Variants in TMC2 observed in about 807,000 individuals in gnomAD.
The protein encoded by TMC2 is transmembrane channel-like protein 2.
Under a neutral mutation model 105.9 loss-of-function variants are expected in TMC2, and 102 were observed. The observed-to-expected ratio is 0.96, with a 90% confidence interval of 0.82 to 1.14. The LOEUF is 1.14. Among genes scored for constraint, TMC2 ranks in the 50% most tolerant of loss-of-function variants. The probability of loss-of-function intolerance (pLI) is 0.00; values close to 1 mark genes in which losing one functional copy is unlikely to be tolerated. For synonymous variants in TMC2, 402 were observed against 422.8 expected (o/e 0.95, Z 0.60); for missense variants, 1,093 against 1,134.3 (o/e 0.96, Z 0.52).
At chr20:2,634,583 A>C (rs1420464777) in intron 17 of TMC2, among the ~76,000 whole-genome samples, 1 of 152,194 alleles carries the variant, frequency 6.6e-6, no homozygotes, top group East Asian at 1.9e-4. Flanking sequence ...CCTGACCCTG[A>C]AGGCACCAAG....
intron 7 of TMC2, among the ~76,000 whole-genome samples, chr20:2,586,638 G>A (rs979121874): frequency 3.3e-5 from 5 of 152,156 alleles, no homozygotes; most frequent in Non-Finnish European, 7.3e-5. Context: ...ACCATATCTC[G>A]TGTGAACTAA....
intron 11 of TMC2, among the ~76,000 whole-genome samples, chr20:2,606,161 A>G (rs2086389986): frequency 6.6e-6 from 1 of 152,192 alleles, no homozygotes; most frequent in African/African-American, 2.4e-5. Flanking sequence ...ATATGCCAAG[A>G]TTTATTTTCC....
intron 2 of TMC2, among the ~76,000 whole-genome samples, chr20:2,549,569 C>G (rs2085945025): frequency 6.6e-6 from 1 of 152,078 alleles, no homozygotes; most frequent in South Asian, 2.1e-4. Flanking sequence ...ACGGTGAAAC[C>G]CTGTCTCTAC....
At chr20:2,606,440 A>G (rs144520109) in intron 11 of TMC2, among the ~76,000 whole-genome samples, 3,623 of 152,200 alleles carry the variant, frequency 0.024, 61 homozygotes, top group Middle Eastern at 0.037. Flanking sequence ...TTGTATTTTT[A>G]GTAGAGACAG....
At chr20:2,538,961 T>C (rs574772893) in intron 2 of TMC2, among the ~76,000 whole-genome samples, 34 of 152,340 alleles carry the variant, frequency 2.2e-4, no homozygotes, top group African/African-American at 7.9e-4. Flanking sequence ...TTTCTCAGAA[T>C]AGCTACAGTT....
At chr20:2,595,212 G>A (rs535212624) in intron 9 of TMC2, among the ~76,000 whole-genome samples, 36 of 152,326 alleles carry the variant, frequency 2.4e-4, no homozygotes, top group African/African-American at 8.2e-4. Flanking sequence ...CTGAAATTCT[G>A]GGGAGCAGCA....
intron 11 of TMC2, among the ~76,000 whole-genome samples, chr20:2,608,300 T>TTTATTATTA (rs61608674): frequency 0.046 from 6,145 of 134,548 alleles, 145 homozygotes; most frequent in African/African-American, 0.052. Flanking sequence ...CTTATTTTTA[T>TTTATTATTA]TTATTATTAT....
At chr20:2,585,623 GAAGAT>G (rs1440862401) in intron 7 of TMC2, among the ~76,000 whole-genome samples, 6 of 152,184 alleles carry the variant, frequency 3.9e-5, no homozygotes. Context: ...GCAGATCTCA[GAAGAT>G]ACAATTTCAA....
intron 19 of TMC2, among the ~76,000 whole-genome samples, chr20:2,639,907 T>C (rs987245224): frequency 6.6e-6 from 1 of 152,186 alleles, no homozygotes; most frequent in Non-Finnish European, 1.5e-5. Context: ...AATTAAACAG[T>C]GTCTGCACGC....
chr20:2,617,009 A>G, intron 15 of TMC2, 63 bp from the exon 16 acceptor site: 2 of 1,602,936 alleles, frequency 1.2e-6, no homozygotes, highest in South Asian at 2.2e-5. Flanking sequence ...ATTTCCTTCT[A>G]TCACCCTTCC....
intron 4 of TMC2, among the ~76,000 whole-genome samples, chr20:2,566,576 A>G (rs1312297946): frequency 6.6e-6 from 1 of 152,216 alleles, no homozygotes; most frequent in Non-Finnish European, 1.5e-5. Context: ...TTCTTTCTTC[A>G]GAGTGATTAG....
chr20:2,555,353 T>C (rs2085979491), intron 2 of TMC2, among the ~76,000 whole-genome samples: 1 of 152,208 alleles, frequency 6.6e-6, no homozygotes, highest in African/African-American at 2.4e-5. Context: ...AGTGCTGGGA[T>C]TACAGGCATG....
rs766039682 is a variant in TMC2, at chr20:2,592,412, C to G, written c.933+4C>G. On this transcript the variant is annotated splice_donor_region_variant and intron_variant, in intron 8 of 19. Coordinates refer to ENST00000358864, the MANE Select transcript of TMC2 (RefSeq NM_080751.3). This position sits in a 1 kb window ranked among gnomAD's most constrained non-coding sequence, Gnocchi z 4.9. ...TTCTGTCCTTTGGGATTTTGAGGTA[C>G]TATTGTCAACATGCCAATGAACTTC... 1 of 1,590,430 alleles carries G rather than the reference C, an allele frequency of 6.3e-7. No individual in the cohort carries two copies. Among genetic ancestry groups the G allele is most frequent in the South Asian group, 1.1e-5 (1 of 90,556 alleles).
chr20:2,540,157 A>C (rs1303073511), intron 2 of TMC2, among the ~76,000 whole-genome samples: 2 of 150,958 alleles, frequency 1.3e-5, no homozygotes, highest in Admixed American at 1.3e-4. Context: ...CGCCCAGCTA[A>C]TTTTTTGTAT....
At chr20:2,598,847 G>A (rs1005282043) in intron 10 of TMC2, among the ~76,000 whole-genome samples, 14 of 152,084 alleles carry the variant, frequency 9.2e-5, no homozygotes, top group African/African-American at 3.4e-4. Context: ...ACAGGCATGG[G>A]GGGTTCTGAA....
chr20:2,627,622 C>A (rs772863774), intron 17 of TMC2, among the ~76,000 whole-genome samples: 2 of 152,142 alleles, frequency 1.3e-5, no homozygotes, highest in Non-Finnish European at 2.9e-5. Flanking sequence ...GTGGAGCTCA[C>A]CTCACATGCT....
At position 2,592,535 on chromosome 20, in the gene TMC2, G is replaced by A; in HGVS notation, c.933+127G>A. ...TGCTTTAATAGGATCCCAGCACTAA[G>A]CTAAATGAGCTTGCAAACCATGTCT... On this transcript the variant is annotated intron_variant, in intron 8 of 19. Transcript: ENST00000358864. This position sits in a 1 kb window ranked among gnomAD's most constrained non-coding sequence, Gnocchi z 4.9. The A allele has an allele frequency of 1.5e-6, 1 of 685,102 alleles. No homozygotes were observed. Among genetic ancestry groups the A allele is most frequent in the Non-Finnish European group, 2.6e-6 (1 of 385,710 alleles). 42.4% of individuals were successfully genotyped at this position (685,102 alleles called of 1,614,324 possible). A position where few individuals can be genotyped will look rare whatever the true frequency, so the allele number is the denominator to read the frequency against.
At chr20:2,597,347 TGGTCATTG>T in intron 10 of TMC2, 49 bp downstream of exon 10, 1 of 1,577,376 alleles carries the variant, frequency 6.3e-7, no homozygotes, top group South Asian at 1.1e-5. Flanking sequence ...TAGGTCCCTC[TGGTCATTG>T]AGAGACTTCT....
intron 11 of TMC2, among the ~76,000 whole-genome samples, chr20:2,605,473 GGAGA>G (rs140043829): frequency 6.6e-5 from 10 of 150,612 alleles, no homozygotes; most frequent in African/African-American, 2.2e-4. Flanking sequence ...GCATGTGCAT[GGAGA>G]GAGAGAGAGA....
Sources: allele counts gnomAD v4.1 joint callset (sites outside exome capture counted in the v4.1 genomes callset), GRCh38; gene constraint gnomAD v4.1.1; non-coding constraint Gnocchi (gnomAD v3.1); transcripts MANE v1.5; gene names NCBI Gene and HGNC (gene_info 2026-07-23, HGNC 2026-07-21).